Variants in MRTFB observed in about 807,000 individuals in gnomAD.
MRTFB encodes myocardin related transcription factor B.
Under a neutral mutation model 104.2 loss-of-function variants are expected in MRTFB, and 29 were observed. That is an observed-to-expected ratio of 0.28 (90% CI 0.21 to 0.38). The LOEUF is 0.38. MRTFB is among the 10% of genes least tolerant of loss of function. MRTFB has a pLI of 1.00. For missense variants in MRTFB, 1,270 were observed against 1,341.6 expected (o/e 0.95, Z 0.83); for synonymous variants, 535 against 519.5 (o/e 1.03, Z -0.41).
intron 2 of MRTFB, among the ~76,000 whole-genome samples, chr16:14,091,615 T>A (rs6498500): frequency 0.059 from 9,002 of 152,182 alleles, 516 homozygotes; most frequent in East Asian, 0.3. Context: ...AGGGTTGTTC[T>A]GGCAGAGCCA....
At chr16:14,180,381 A>G (rs1292158730) in intron 3 of MRTFB, among the ~76,000 whole-genome samples, 1 of 152,260 alleles carries the variant, frequency 6.6e-6, no homozygotes, top group Non-Finnish European at 1.5e-5. Flanking sequence ...GACTGATCAT[A>G]TCATCTGAGG....
At chr16:14,115,316 C>T (rs2036488497) in intron 2 of MRTFB, among the ~76,000 whole-genome samples, 1 of 152,128 alleles carries the variant, frequency 6.6e-6, no homozygotes, top group Non-Finnish European at 1.5e-5. Context: ...TTCCCCAAAT[C>T]CTACTACTTC....
chr16:14,255,992 A>G (rs1426161647), intron 15 of MRTFB, among the ~76,000 whole-genome samples: 6 of 151,888 alleles, frequency 4.0e-5, no homozygotes, highest in Admixed American at 3.9e-4. Context: ...GCATACCTGT[A>G]GTCCCAGCTA....
intron 3 of MRTFB, chr16:14,187,090 A>G: frequency 2.1e-6 from 3 of 1,445,198 alleles, no homozygotes; most frequent in Non-Finnish European, 2.8e-6. Flanking sequence ...CTGGTCAGCC[A>G]GCTGAGCGTG....
At chr16:14,194,942 C>T (rs760991147) in intron 3 of MRTFB, among the ~76,000 whole-genome samples, 1 of 152,074 alleles carries the variant, frequency 6.6e-6, no homozygotes, top group Admixed American at 6.5e-5. Flanking sequence ...ACGCACTTGG[C>T]CATCCTTCCC....
intron 2 of MRTFB, among the ~76,000 whole-genome samples, chr16:14,121,523 G>A (rs770281824): frequency 2.6e-5 from 4 of 152,166 alleles, no homozygotes; most frequent in Non-Finnish European, 4.4e-5. Context: ...AATTAAATAA[G>A]TTAGAGAAAA....
the MRTFB span, among the ~76,000 whole-genome samples, chr16:14,005,367 G>A: frequency 1.3e-5 from 2 of 152,188 alleles, no homozygotes; most frequent in South Asian, 2.1e-4. Context: ...GCAAAGGAAT[G>A]TAGGGTCCAG....
At chr16:14,096,848 C>G (rs747949665) in intron 2 of MRTFB, among the ~76,000 whole-genome samples, 9 of 152,286 alleles carry the variant, frequency 5.9e-5, no homozygotes, top group Non-Finnish European at 1.2e-4. Context: ...TTGGTGTTTG[C>G]AAGCCAGAAG....
intron 3 of MRTFB, chr16:14,195,401 C>A: frequency 2.1e-6 from 1 of 476,762 alleles, no homozygotes; most frequent in Non-Finnish European, 2.7e-6. Context: ...TTATGTTTTG[C>A]TAGGCACATT....
In MRTFB at chr16:14,247,580, A is replaced by G. The variant is rs529467942; in HGVS notation, c.2247+73A>G. ...TGCAAACCCTGCTAAGGAAGGCACC[A>G]TACCTGAGCTCTTCCATAAATGCGT... On this transcript the variant is annotated intron_variant, in intron 12 of 16. Coordinates refer to ENST00000571589, the MANE Select transcript of MRTFB (RefSeq NM_001308142.2). The G allele has an allele frequency of 1.5e-4, 202 of 1,348,190 alleles. 2 individuals are homozygous for G. The South Asian group carries it at 1.9e-3, about 12-fold the overall frequency. 83.5% of individuals were successfully genotyped at this position (1,348,190 alleles called of 1,614,324 possible).
intron 2 of MRTFB, among the ~76,000 whole-genome samples, chr16:14,132,131 G>A (rs1168800097): frequency 6.6e-6 from 1 of 152,158 alleles, no homozygotes; most frequent in East Asian, 1.9e-4. Context: ...GGACAGTATA[G>A]AGGAATCTTG....
chr16:14,247,703 G>A lies in MRTFB; in HGVS notation c.2247+196G>A. ...GTTTTTATATAGTGAAAAAAACACAGGATGCTTTTCTAGTCCTGTTACCTT... is the reference window on the plus strand; with the variant it reads ...GTTTTTATATAGTGAAAAAAACACAAGATGCTTTTCTAGTCCTGTTACCTT... On this transcript the variant is annotated intron_variant, in intron 12 of 16. Coordinates refer to ENST00000571589, the MANE Select transcript of MRTFB (RefSeq NM_001308142.2). 1.2e-5 allele frequency: 7 copies of A among 593,842 alleles called. No homozygotes were observed. The South Asian group carries it at 1.6e-4, about 13-fold the overall frequency. 36.8% of individuals were successfully genotyped at this position (593,842 alleles called of 1,614,324 possible).
At chr16:14,160,233 A>C (rs1050982890) in intron 3 of MRTFB, among the ~76,000 whole-genome samples, 2 of 152,100 alleles carry the variant, frequency 1.3e-5, no homozygotes, top group African/African-American at 4.8e-5. Context: ...CTCACCTTTA[A>C]AAATTTTTTT....
Position 14,240,297 on chromosome 16 carries a change from C to T in MRTFB, c.892C>T (p.Pro298Ser). ...TAGCAAAAAGTGCAAAGATCCCAAA[C>T]CACGGGTAAAGAAGTTAAAGTACCA... ...HRSKKCKDPK[P>S]RVKKLKYHQY... Residue 298 changes from proline to serine, a missense_variant, in exon 10 of 17, where the codon CCA becomes TCA. This residue lies in a region of MRTFB where 1,144 missense variants were observed against 1,131.5 expected (regional missense o/e 1.01). Coordinates refer to ENST00000571589, the MANE Select transcript of MRTFB (RefSeq NM_001308142.2). 1.9e-6 allele frequency: 3 copies of T among 1,613,926 alleles called. No individual in the cohort carries two copies. The highest frequency in any genetic ancestry group is 2.5e-6 in the Non-Finnish European group (3 of 1,179,956).
intron 1 of MRTFB, among the ~76,000 whole-genome samples, chr16:14,076,475 A>C (rs1414317670): frequency 2.0e-5 from 3 of 152,194 alleles, no homozygotes; most frequent in Admixed American, 6.5e-5. Context: ...GATTACAGGC[A>C]TGAGCTACTG....
At chr16:13,997,453 A>T in the MRTFB span, among the ~76,000 whole-genome samples, 2 of 152,312 alleles carry the variant, frequency 1.3e-5, no homozygotes, top group Admixed American at 1.3e-4. Context: ...AAGCCAAGAA[A>T]AATGTAAGAA....
chr16:14,084,470 G>A (rs1032158494), intron 2 of MRTFB, among the ~76,000 whole-genome samples: 2 of 152,196 alleles, frequency 1.3e-5, no homozygotes, highest in Admixed American at 6.5e-5. Context: ...AGGCTAGGAC[G>A]TGGAGGTCTC....
intron 15 of MRTFB, among the ~76,000 whole-genome samples, chr16:14,256,194 C>CAAAAAAAAAAAAAAAAAAAAA (rs750556838): frequency 1.3e-5 from 1 of 77,644 alleles, no homozygotes; most frequent in Non-Finnish European, 2.7e-5. Context: ...AACAGGATAA[C>CAAAAAAAAAAAAAAAAAAAAA]AAAAAAAAAA....
chr16:14,094,850 G>A (rs779554675), intron 2 of MRTFB, among the ~76,000 whole-genome samples: 1 of 152,232 alleles, frequency 6.6e-6, no homozygotes, highest in Non-Finnish European at 1.5e-5. Context: ...ATTAATGAAT[G>A]TGGAGTCTTT....
Sources: allele counts gnomAD v4.1 joint callset (sites outside exome capture counted in the v4.1 genomes callset), GRCh38; gene constraint gnomAD v4.1.1; regional missense constraint gnomAD v4.1.1; transcripts MANE v1.5; gene names NCBI Gene and HGNC (gene_info 2026-07-23, HGNC 2026-07-21).